Variants in SAMD5 observed in about 807,000 individuals in gnomAD.
SAMD5 encodes the protein sterile alpha motif domain-containing protein 5.
Under a neutral mutation model 11.3 loss-of-function variants are expected in SAMD5, and 13 were observed. The ratio of observed to expected loss-of-function variants is 1.15; its 90% confidence interval spans 0.75 to 1.83. The LOEUF is 1.83. Among genes scored for constraint, SAMD5 ranks in the 40% most tolerant of loss-of-function variants. SAMD5 has a pLI of 0.00. For synonymous variants in SAMD5, 129 were observed against 111.3 expected (o/e 1.16, Z -1.00); for missense variants, 255 against 239.1 (o/e 1.07, Z -0.44).
At chr6:147,517,656 T>G (rs1788192671) in intron 1 of SAMD5, among the ~76,000 whole-genome samples, 1 of 152,112 alleles carries the variant, frequency 6.6e-6, no homozygotes, top group Non-Finnish European at 1.5e-5. Flanking sequence ...GTGTTGCTGT[T>G]TCTGTGTTGC....
the SAMD5 span, among the ~76,000 whole-genome samples, chr6:147,829,270 G>C: frequency 6.6e-6 from 1 of 152,222 alleles, no homozygotes; most frequent in South Asian, 2.1e-4. Flanking sequence ...TGTTTGCTGT[G>C]TGTGACCTGG....
intron 1 of SAMD5, among the ~76,000 whole-genome samples, chr6:147,668,221 C>T (rs562986434): frequency 2.4e-4 from 37 of 152,290 alleles, no homozygotes; most frequent in African/African-American, 8.7e-4. Context: ...CATCTATATA[C>T]ATACGCACAT....
the SAMD5 span, among the ~76,000 whole-genome samples, chr6:147,899,948 G>T: frequency 6.6e-6 from 1 of 152,202 alleles, no homozygotes; most frequent in Admixed American, 6.5e-5. Flanking sequence ...AGGGAGGCAG[G>T]CAAGTGAAGG....
chr6:147,544,680 G>A (rs1244155206), intron 1 of SAMD5, among the ~76,000 whole-genome samples: 2 of 152,116 alleles, frequency 1.3e-5, no homozygotes, highest in Non-Finnish European at 2.9e-5. Flanking sequence ...GGGAAGTGAT[G>A]TACTGCTTTA....
chr6:147,614,469 C>CAAA lies in SAMD5; in HGVS notation c.162+105091_162+105093dup, dbSNP rs55991810. Among the ~76,000 whole-genome samples the CAAA allele has an allele frequency of 5.5e-3, 760 of 138,084 alleles. 6 individuals are homozygous for CAAA. The highest frequency in any genetic ancestry group is 8.8e-3 in the East Asian group (41 of 4,676). The allele number at this position is 138,084 out of a possible 152,430, so 90.6% of individuals were successfully genotyped here. A position where few individuals can be genotyped will look rare whatever the true frequency, so the allele number is the denominator to read the frequency against. On this transcript the variant is annotated intron_variant, in intron 1 of 1. Coordinates refer to the SAMD5 transcript ENST00000566741. ...GGGCGACAGAGCTAGACTCTGTCTC[C>CAAA]AAAAAAAAAAAGATAAGCTGATAAA... is the stretch of plus-strand genomic sequence containing the variant.
At chr6:147,811,858 A>T in the SAMD5 span, among the ~76,000 whole-genome samples, 33 of 152,352 alleles carry the variant, frequency 2.2e-4, no homozygotes, top group Admixed American at 2.1e-3. Flanking sequence ...TAGAGATGCC[A>T]TCTGTTTGGG....
At chr6:147,816,086 C>T in the SAMD5 span, among the ~76,000 whole-genome samples, 29 of 151,508 alleles carry the variant, frequency 1.9e-4, no homozygotes, top group Middle Eastern at 3.4e-3. Context: ...TGAGACCAGC[C>T]TGGCTAACGT....
chr6:147,817,745 G>T, the SAMD5 span, among the ~76,000 whole-genome samples: 1 of 152,156 alleles, frequency 6.6e-6, no homozygotes, highest in African/African-American at 2.4e-5. Context: ...CACACTCTTG[G>T]TTCTCAGAGC....
the SAMD5 span, among the ~76,000 whole-genome samples, chr6:147,773,220 GT>G: frequency 6.6e-6 from 1 of 152,186 alleles, no homozygotes; most frequent in Non-Finnish European, 1.5e-5. Flanking sequence ...TTAGTAACTT[GT>G]TTTTACAATG....
At chr6:147,712,999 A>G (rs1315626952) in intron 1 of SAMD5, among the ~76,000 whole-genome samples, 1 of 152,214 alleles carries the variant, frequency 6.6e-6, no homozygotes, top group African/African-American at 2.4e-5. Context: ...AAAGTCAAGC[A>G]GTAAATTGAC....
chr6:147,686,941 G>T (rs1419334590), intron 1 of SAMD5, among the ~76,000 whole-genome samples: 1 of 151,908 alleles, frequency 6.6e-6, no homozygotes, highest in Non-Finnish European at 1.5e-5. Flanking sequence ...GTGCAGTTTT[G>T]TTACATAGGT....
chr6:147,535,076 A>G (rs762587707), intron 1 of SAMD5, among the ~76,000 whole-genome samples: 5 of 152,224 alleles, frequency 3.3e-5, no homozygotes, highest in Non-Finnish European at 7.3e-5. Context: ...GGCGGTTTCA[A>G]TCCCTTCCTT....
At chr6:147,606,687 T>A (rs1789706900) in intron 1 of SAMD5, among the ~76,000 whole-genome samples, 1 of 151,584 alleles carries the variant, frequency 6.6e-6, no homozygotes, top group South Asian at 2.1e-4. Flanking sequence ...GGCACTAGTC[T>A]AAGAAATATA....
chr6:147,604,617 G>C (rs1789672053), intron 1 of SAMD5, among the ~76,000 whole-genome samples: 1 of 152,160 alleles, frequency 6.6e-6, no homozygotes, highest in African/African-American at 2.4e-5. Flanking sequence ...TCTTTCATTG[G>C]AGTGCCAAGG....
chr6:147,679,754 C>G (rs904402106), intron 1 of SAMD5, among the ~76,000 whole-genome samples: 3 of 151,366 alleles, frequency 2.0e-5, no homozygotes, highest in African/African-American at 7.3e-5. Context: ...TATATTTACT[C>G]CTGGAAGTTT....
chr6:147,940,012 A>T, the SAMD5 span, among the ~76,000 whole-genome samples: 1 of 152,104 alleles, frequency 6.6e-6, no homozygotes, highest in African/African-American at 2.4e-5. Flanking sequence ...GGAGAATAGA[A>T]ATCAGCCAGC....
intron 1 of SAMD5, among the ~76,000 whole-genome samples, chr6:147,723,793 C>A (rs1050463418): frequency 2.0e-5 from 3 of 152,188 alleles, no homozygotes; most frequent in African/African-American, 7.2e-5. Flanking sequence ...CTTTGGAATT[C>A]AACTCACTTG....
rs1583086778 is a variant in SAMD5 at position 147,566,487 on chromosome 6, A to G, written c.*2031A>G. 7 of 985,748 alleles carry G rather than the reference A, an allele frequency of 7.1e-6. No homozygotes were observed. The South Asian group carries it at 1.4e-4, about 20-fold the overall frequency. 61.1% of individuals were successfully genotyped at this position (985,748 alleles called of 1,614,324 possible). ...TTGCATGTACTTGTTGAACTTTGCTAGGAAGGACTCAATTTTTGAAAAATC... is the reference window on the plus strand; with the variant it reads ...TTGCATGTACTTGTTGAACTTTGCTGGGAAGGACTCAATTTTTGAAAAATC... On this transcript the variant is annotated 3_prime_UTR_variant, in exon 2 of 2. Coordinates refer to ENST00000367474, the MANE Select transcript of SAMD5 (RefSeq NM_001030060.3).
At chr6:147,935,435 A>T in the SAMD5 span, among the ~76,000 whole-genome samples, 3 of 152,148 alleles carry the variant, frequency 2.0e-5, no homozygotes, top group African/African-American at 4.8e-5. Context: ...CACTGTAGCT[A>T]TTACTAGTAA....
Sources: gnomAD v4.1 joint callset for allele counts (sites outside exome capture counted in the v4.1 genomes callset) on GRCh38, gnomAD v4.1.1 for gene constraint, MANE v1.5 for transcripts, NCBI Gene and HGNC (gene_info 2026-07-23, HGNC 2026-07-21) for gene names.